The following OSBPL9 variants were observed in gnomAD, a reference collection of about 807,000 sequenced individuals.
OSBPL9 encodes the protein oxysterol binding protein like 9.
OSBPL9 carries 40 observed loss-of-function variants against 106.6 expected under a neutral mutation model. The ratio of observed to expected loss-of-function variants is 0.38; its 90% CI spans 0.29 to 0.49. The LOEUF is 0.49. OSBPL9 is among the 20% of genes least tolerant of loss of function. OSBPL9 has a pLI of 0.97. For synonymous variants in OSBPL9, 269 were observed against 295.4 expected, an observed-to-expected ratio of 0.91 and a Z score of 0.92; for missense variants, 609 against 887.2, an observed-to-expected ratio of 0.69 and a Z score of 3.98.
the OSBPL9 span, among the ~76,000 whole-genome samples, chr1:51,553,578 TAG>T: frequency 1.3e-5 from 2 of 151,876 alleles, no homozygotes; most frequent in South Asian, 4.1e-4. Flanking sequence ...AGCTCCCTTC[TAG>T]ATCAATGCAC....
At chr1:51,718,715 T>C (rs1239866478) in intron 4 of OSBPL9, among the ~76,000 whole-genome samples, 1 of 152,238 alleles carries the variant, frequency 6.6e-6, no homozygotes, top group Non-Finnish European at 1.5e-5. Flanking sequence ...TACTGACTTC[T>C]TGTTGGTTTC....
chr1:51,671,095 A>G (rs1649760246), intron 3 of OSBPL9, among the ~76,000 whole-genome samples: 2 of 152,254 alleles, frequency 1.3e-5, no homozygotes, highest in African/African-American at 4.8e-5. Context: ...GATAAGAGTT[A>G]TGCACATTTT....
At chr1:51,669,345 G>A in intron 2 of OSBPL9, 89 bp from the exon 3 acceptor site, 1 of 1,041,978 alleles carries the variant, frequency 9.6e-7, no homozygotes, top group East Asian at 2.5e-5. Context: ...CAGTGTCGTT[G>A]GTGCATTGAG....
chr1:51,556,758 C>G, the OSBPL9 span, among the ~76,000 whole-genome samples: 6 of 137,858 alleles, frequency 4.4e-5, no homozygotes, highest in African/African-American at 1.5e-4. Flanking sequence ...TGCACTCCAG[C>G]CTGGATGACA....
chr1:51,631,547 A>T (rs1463370833), intron 1 of OSBPL9, among the ~76,000 whole-genome samples: 1 of 149,040 alleles, frequency 6.7e-6, no homozygotes, highest in African/African-American at 2.5e-5. Context: ...TCTCAAAAAG[A>T]AAAAAAAAAG....
chr1:51,563,970 A>T, the OSBPL9 span, among the ~76,000 whole-genome samples: 1 of 139,142 alleles, frequency 7.2e-6, no homozygotes, highest in Admixed American at 7.7e-5. Flanking sequence ...TGGTGGGAGG[A>T]TCTGAGCCCA....
intron 1 of OSBPL9, among the ~76,000 whole-genome samples, chr1:51,586,413 A>C (rs1396476098): frequency 6.6e-6 from 1 of 152,154 alleles, no homozygotes; most frequent in Admixed American, 6.5e-5. Flanking sequence ...CTTCCCAAAC[A>C]TTCTATGGAT....
chr1:51,519,442 C>A, the OSBPL9 span: 1 of 180,390 alleles, frequency 5.5e-6, no homozygotes, highest in South Asian at 1.7e-4. Context: ...GCCGCCCAAA[C>A]CCTGGCGCCG....
At chr1:51,733,934 T>C (rs1339872334) in intron 4 of OSBPL9, among the ~76,000 whole-genome samples, 3 of 152,218 alleles carry the variant, frequency 2.0e-5, no homozygotes, top group Non-Finnish European at 4.4e-5. Context: ...GCATGTAGGC[T>C]AGCTAGAATG....
chr1:51,551,883 G>A, the OSBPL9 span, among the ~76,000 whole-genome samples: 21 of 151,948 alleles, frequency 1.4e-4, no homozygotes, highest in Admixed American at 3.3e-4. Context: ...GTGAGACACC[G>A]TGTCCAGCCT....
At chr1:51,619,728 A>G (rs1326494058) in intron 1 of OSBPL9, among the ~76,000 whole-genome samples, 1 of 152,230 alleles carries the variant, frequency 6.6e-6, no homozygotes, top group Non-Finnish European at 1.5e-5. Context: ...AAGGGAAGGT[A>G]GGAGACACAT....
chr1:51,605,502 G>A lies in OSBPL9; in HGVS notation c.-353+7309G>A, dbSNP rs146605691. On this transcript the variant is annotated intron_variant, in intron 2 of 25. Coordinates refer to the OSBPL9 transcript ENST00000371714. ...TTAATGGAGTCCTGAAAGATGAGTA[G>A]GTATTTTCCAGACATAGAGGAGTAA... Among the ~76,000 whole-genome samples, 352 of 152,162 alleles carry A rather than the reference G, an allele frequency of 2.3e-3. 3 individuals are homozygous for A. The highest frequency in any genetic ancestry group is 8.3e-3 in the African/African-American group (343 of 41,492).
the OSBPL9 span, among the ~76,000 whole-genome samples, chr1:51,544,837 C>CT: frequency 0.076 from 6,059 of 80,242 alleles, 792 homozygotes; most frequent in African/African-American, 0.19. Flanking sequence ...AAGAGACATG[C>CT]TTTTTTTTTT....
chr1:51,748,768 G>T (rs897460519), intron 7 of OSBPL9, among the ~76,000 whole-genome samples: 1 of 151,848 alleles, frequency 6.6e-6, no homozygotes, highest in African/African-American at 2.4e-5. Context: ...GGGCTCAAGC[G>T]ATCCTCCTGC....
upstream of OSBPL9, among the ~76,000 whole-genome samples, chr1:51,615,121 G>A (rs553482255): frequency 2.0e-5 from 3 of 152,234 alleles, no homozygotes; most frequent in South Asian, 2.1e-4. Flanking sequence ...TTAGCCAGGC[G>A]AGCGCCTGTA....
chr1:51,530,195 A>AAAAAAAC, the OSBPL9 span, among the ~76,000 whole-genome samples: 2 of 128,196 alleles, frequency 1.6e-5, no homozygotes, highest in Non-Finnish European at 3.4e-5. Flanking sequence ...AAAAAAAACA[A>AAAAAAAC]AAAAAAAAAA....
rs899924852 is a variant in OSBPL9, at chr1:51,693,389, AAG to A, written c.242-20600_242-20599del. On this transcript the variant is annotated intron_variant, in intron 3 of 23. Coordinates refer to ENST00000428468, the MANE Select transcript of OSBPL9 (RefSeq NM_024586.6). ...TTAAGACTGTCTTTAAAAAAAAAAA[AAG>A]AGAGAGAGAGAGAAAAGAAAAGAAG... Among the ~76,000 whole-genome samples the A allele has an allele frequency of 1.3e-4, 19 of 151,596 alleles. No individual in the cohort carries two copies. The East Asian group carries it at 2.3e-3, about 18-fold the overall frequency.
intron 2 of OSBPL9, among the ~76,000 whole-genome samples, chr1:51,607,684 A>ATC (rs1156397036): frequency 2.0e-5 from 3 of 152,082 alleles, no homozygotes; most frequent in Non-Finnish European, 2.9e-5. Context: ...ATCAGCCTAG[A>ATC]TCTCATCAGC....
intron 1 of OSBPL9, among the ~76,000 whole-genome samples, chr1:51,590,184 C>T (rs1645267448): frequency 6.6e-6 from 1 of 151,814 alleles, no homozygotes; most frequent in African/African-American, 2.4e-5. Flanking sequence ...ATTTACATTT[C>T]AAAAAAGTCA....
Sources: gnomAD v4.1 joint callset for allele counts (sites outside exome capture counted in the v4.1 genomes callset) on GRCh38, gnomAD v4.1.1 for gene constraint, MANE v1.5 for transcripts, NCBI Gene and HGNC (gene_info 2026-07-23, HGNC 2026-07-21) for gene names.